The following NDUFV2 variants were observed in gnomAD, a reference collection of about 807,000 sequenced individuals.
NDUFV2 encodes NADH dehydrogenase [ubiquinone] flavoprotein 2, mitochondrial.
Under a neutral mutation model 31.6 loss-of-function variants are expected in NDUFV2, and 18 were observed. The ratio of observed to expected loss-of-function variants is 0.57; its 90% confidence interval spans 0.39 to 0.84. The LOEUF (loss-of-function observed/expected upper bound fraction) is 0.84, where lower values mean the gene tolerates loss of function less well. Ranked by LOEUF, NDUFV2 falls within the 40% of genes least tolerant of loss-of-function variation. The pLI is 0.00. For synonymous variants in NDUFV2, 83 were observed against 99.8 expected (o/e 0.83, Z 1.01); for missense variants, 314 against 303.6 (o/e 1.03, Z -0.26).
intron 1 of NDUFV2, chr18:9,104,133 G>A (rs2077829052): frequency 6.2e-7 from 1 of 1,612,230 alleles, no homozygotes; most frequent in Admixed American, 1.7e-5. Context: ...TGGGCATGGG[G>A]TCCGAGGGTA....
At chr18:9,104,369 GT>G in intron 1 of NDUFV2, 1 of 1,404,848 alleles carries the variant, frequency 7.1e-7, no homozygotes, top group Non-Finnish European at 9.7e-7. Context: ...TGTGGTTTCT[GT>G]TTTGGATAGG....
At chr18:9,104,515 G>A (rs1396066009) in intron 1 of NDUFV2, among the ~76,000 whole-genome samples, 1 of 152,204 alleles carries the variant, frequency 6.6e-6, no homozygotes, top group East Asian at 1.9e-4. Context: ...AAAGAAATTA[G>A]AGTGCTTGTA....
chr18:9,105,493 T>C (rs1219952447), intron 1 of NDUFV2, among the ~76,000 whole-genome samples: 1 of 152,244 alleles, frequency 6.6e-6, no homozygotes, highest in Admixed American at 6.5e-5. Flanking sequence ...TATTCCCTTC[T>C]TCAGTAATTG....
intron 4 of NDUFV2, 43 bp downstream of exon 4, chr18:9,119,633 T>C (rs2077920399): frequency 1.0e-5 from 15 of 1,460,672 alleles, no homozygotes; most frequent in Non-Finnish European, 1.4e-5. Flanking sequence ...GAGAAGAGAT[T>C]GTGTATGATA....
rs1187426372 is a variant in NDUFV2, at chr18:9,126,850, A to G, written c.599A>G (p.Asp200Gly). Residue 200 changes from aspartate (D) to glycine (G), a missense_variant, in exon 7 of 8, where the codon GAT (aspartate) becomes GGT (glycine). Coordinates refer to ENST00000318388, the MANE Select transcript of NDUFV2 (RefSeq NM_021074.5). ...TTCCAGGAGGATTTGACAGCTAAGG[A>G]TATTGAAGAAATTATTGATGAGCTC... is the stretch of plus-strand genomic sequence containing the variant. ...DNYYEDLTAKDIEEIIDELKA... is the reference protein window; with the variant it reads ...DNYYEDLTAKGIEEIIDELKA... 1 of 1,613,576 alleles carries G rather than the reference A, an allele frequency of 6.2e-7. No homozygotes were observed. The highest frequency in any genetic ancestry group is 1.3e-5 in the African/African-American group (1 of 74,884).
At chr18:9,107,635 G>T (rs1465155730) in intron 1 of NDUFV2, among the ~76,000 whole-genome samples, 1 of 152,176 alleles carries the variant, frequency 6.6e-6, no homozygotes, top group African/African-American at 2.4e-5. Flanking sequence ...TTATTCGCAA[G>T]TCCTGTTTTG....
At chr18:9,121,171 C>T (rs2077932546) in intron 4 of NDUFV2, 1 of 152,060 alleles carries the variant, frequency 6.6e-6, no homozygotes, top group Non-Finnish European at 1.5e-5. Flanking sequence ...GGAATAGACT[C>T]AAGATTCTTT....
chr18:9,118,745 T>G (rs1010294491), intron 2 of NDUFV2, among the ~76,000 whole-genome samples: 1 of 151,962 alleles, frequency 6.6e-6, no homozygotes, highest in Non-Finnish European at 1.5e-5. Flanking sequence ...GGCCTGCTTC[T>G]GCTCTTTTAA....
At chr18:9,129,167 C>T (rs1478397515) in intron 7 of NDUFV2, among the ~76,000 whole-genome samples, 2 of 152,186 alleles carry the variant, frequency 1.3e-5, no homozygotes, top group Non-Finnish European at 2.9e-5. Context: ...TCTCGAACTC[C>T]TGACCTCAAG....
Position 9,119,308 on chromosome 18 carries a change from A to C in NDUFV2, c.121-18A>C. The C allele has an allele frequency of 6.2e-7, 1 of 1,604,148 alleles. No homozygotes were observed. The highest frequency in any genetic ancestry group is 8.5e-7 in the Non-Finnish European group (1 of 1,171,216). ...GAGAGAATTTGGATAAGTCTGAAAA[A>C]CTGTTTTTGTTGTGTAGCACAGAGA... is the stretch of plus-strand genomic sequence containing the variant. On this transcript the variant is annotated intron_variant, in intron 2 of 7. Transcript: ENST00000318388.
At chr18:9,115,393 C>T (rs1177762704) in intron 1 of NDUFV2, among the ~76,000 whole-genome samples, 2 of 151,968 alleles carry the variant, frequency 1.3e-5, no homozygotes, top group Non-Finnish European at 2.9e-5. Flanking sequence ...AGCTACATAA[C>T]GTTCTAGTGT....
intron 1 of NDUFV2, chr18:9,115,557 T>C (rs1366454897): frequency 6.6e-6 from 1 of 152,112 alleles, no homozygotes; most frequent in Non-Finnish European, 1.5e-5. Flanking sequence ...ATTACTAAAT[T>C]AAAAAATGGA....
intron 1 of NDUFV2, among the ~76,000 whole-genome samples, chr18:9,113,941 T>G (rs926940083): frequency 6.6e-6 from 1 of 152,206 alleles, no homozygotes; most frequent in Non-Finnish European, 1.5e-5. Flanking sequence ...CTGTGGCTTG[T>G]CCTGCTACAA....
At chr18:9,126,785 T>A (rs1188644250) in intron 6 of NDUFV2, 46 bp from the exon 7 acceptor site, 3 of 1,492,542 alleles carry the variant, frequency 2.0e-6, no homozygotes, top group South Asian at 2.3e-5. Flanking sequence ...TATATCGATA[T>A]AAAAGAAAGT....
intron 7 of NDUFV2, 152 bp from the exon 8 acceptor site, chr18:9,134,034 G>T: frequency 1.7e-6 from 1 of 576,470 alleles, no homozygotes; most frequent in Admixed American, 3.1e-5. Flanking sequence ...AGAAAATCTT[G>T]CATCAGTTGA....
At chr18:9,106,508 GT>G (rs1465202846) in intron 1 of NDUFV2, among the ~76,000 whole-genome samples, 1 of 152,014 alleles carries the variant, frequency 6.6e-6, no homozygotes, top group Non-Finnish European at 1.5e-5. Context: ...CAAATTTTAA[GT>G]TTTGTACAAT....
chr18:9,115,280 A>G (rs1471488944), intron 1 of NDUFV2, among the ~76,000 whole-genome samples: 1 of 152,166 alleles, frequency 6.6e-6, no homozygotes, highest in Admixed American at 6.5e-5. Context: ...CAGTGTCTGT[A>G]TTTAATGTAA....
At chr18:9,125,055 G>A (rs1008779380) in intron 6 of NDUFV2, 72 bp downstream of exon 6, 14 of 1,484,322 alleles carry the variant, frequency 9.4e-6, no homozygotes, top group Middle Eastern at 1.7e-4. Flanking sequence ...ATTTGATTTT[G>A]TGTCCTTAGA....
chr18:9,103,174 A>G, intron 1 of NDUFV2: 1 of 400,398 alleles, frequency 2.5e-6, no homozygotes, highest in Middle Eastern at 6.3e-4. Flanking sequence ...AAGCCTAGTG[A>G]CCTCGATGCT....
Sources: gnomAD v4.1 joint callset for allele counts (sites outside exome capture counted in the v4.1 genomes callset) on GRCh38, gnomAD v4.1.1 for gene constraint, MANE v1.5 for transcripts, NCBI Gene and HGNC (gene_info 2026-07-23, HGNC 2026-07-21) for gene names.